Variants in KIAA0586 observed in about 807,000 individuals in gnomAD.
KIAA0586 encodes the protein KIAA0586, also known as protein TALPID3.
A neutral mutation model predicts 169.8 loss-of-function variants in KIAA0586; 144 were observed. The ratio of observed to expected loss-of-function variants is 0.85; its 90% confidence interval spans 0.74 to 0.97. The LOEUF (loss-of-function observed/expected upper bound fraction) is 0.97. Among genes scored for constraint, KIAA0586 ranks in the 50% least tolerant of loss-of-function variants. The probability of loss-of-function intolerance (pLI) is 0.00; values close to 1 mark genes in which losing one functional copy is unlikely to be tolerated. For synonymous variants in KIAA0586, 625 were observed against 612.4 expected, an observed-to-expected ratio of 1.02 and a Z score of -0.30; for missense variants, 1,854 against 1,823.0, an observed-to-expected ratio of 1.02 and a Z score of -0.31.
chr14:58,440,040 T>A (rs1355209163), intron 4 of KIAA0586: 1 of 230,014 alleles, frequency 4.3e-6, no homozygotes, highest in Admixed American at 5.8e-5. Flanking sequence ...GGTCTTTTTT[T>A]AATTTTTAAT....
Position 58,502,132 on chromosome 14 carries a change from C to CT in KIAA0586, c.4168+3183dup, listed in dbSNP as rs998189933. On this transcript the variant is annotated intron_variant, in intron 27 of 30. Transcript: ENST00000652326. ...GCAATCAAGATGGAAACCATAATGT[C>CT]TTTTTTTTTTTCTTTTCTTTTGAGA... 6.1e-3 allele frequency among the ~76,000 whole-genome samples: 894 copies of CT among 147,728 alleles called. 4 individuals carry two copies. The highest frequency in any genetic ancestry group is 0.01 in the Non-Finnish European group (673 of 66,468).
At position 58,522,129 on chromosome 14, in the gene KIAA0586, T is replaced by C; in HGVS notation, c.4429+9502T>C. ...GTTCTCCCAATCCTTGTCCTTCCCATGTTCATTAATTCATAGTGCCCTGCG... is the reference window on the plus strand; with the variant it reads ...GTTCTCCCAATCCTTGTCCTTCCCACGTTCATTAATTCATAGTGCCCTGCG... On this transcript the variant is annotated intron_variant, in intron 29 of 30. Coordinates refer to ENST00000652326, the MANE Select transcript of KIAA0586 (RefSeq NM_001329943.3). 1.0e-5 allele frequency: 6 copies of C among 578,622 alleles called. No individual in the cohort carries two copies. The South Asian group carries it at 1.0e-4, about 10-fold the overall frequency. The allele number at this position is 578,622 out of a possible 1,614,324, so 35.8% of individuals were successfully genotyped here.
intron 29 of KIAA0586, among the ~76,000 whole-genome samples, chr14:58,513,931 T>G (rs2044570282): frequency 6.6e-6 from 1 of 152,074 alleles, no homozygotes; most frequent in African/African-American, 2.4e-5. Flanking sequence ...AAGGAAGTTT[T>G]ATGTGGAAAG....
chr14:58,501,644 A>G (rs2043580822), intron 27 of KIAA0586, among the ~76,000 whole-genome samples: 1 of 152,166 alleles, frequency 6.6e-6, no homozygotes, highest in South Asian at 2.1e-4. Flanking sequence ...ATGGTATAAC[A>G]TAAGATTGAA....
At chr14:58,547,080 A>G (rs118164726) in intron 30 of KIAA0586, among the ~76,000 whole-genome samples, 2,012 of 152,102 alleles carry the variant, frequency 0.013, 30 homozygotes, top group Middle Eastern at 0.048. Context: ...TTTTTTAGGA[A>G]TAGGAGGAAG....
At chr14:58,445,118 C>CACAT (rs374484299) in intron 6 of KIAA0586, among the ~76,000 whole-genome samples, 1 of 146,312 alleles carries the variant, frequency 6.8e-6, no homozygotes, top group African/African-American at 2.5e-5. Context: ...TATACACACA[C>CACAT]ACATACATAC....
chr14:58,433,437 T>G (rs953800409), intron 4 of KIAA0586: 1 of 152,248 alleles, frequency 6.6e-6, no homozygotes, highest in Non-Finnish European at 1.5e-5. Context: ...TTAAGAAATT[T>G]TCTACCTTCT....
At chr14:58,488,484 C>G in intron 23 of KIAA0586, 137 bp from the exon 24 acceptor site, 2 of 932,200 alleles carry the variant, frequency 2.1e-6, no homozygotes, top group East Asian at 2.6e-5. Flanking sequence ...TTTTAAAAAT[C>G]TTGTTAATTA....
chr14:58,495,168 C>T (rs1357276575), intron 26 of KIAA0586, among the ~76,000 whole-genome samples: 5 of 152,076 alleles, frequency 3.3e-5, no homozygotes, highest in Non-Finnish European at 7.3e-5. Context: ...GCTGTCCTGG[C>T]TAGACCAGCA....
Position 58,430,535 on chromosome 14 carries a change from A to T in KIAA0586, c.271-113A>T, listed in dbSNP as rs573306138. 1.3e-4 allele frequency: 76 copies of T among 596,794 alleles called. 1 individual carries two copies. The highest frequency in any genetic ancestry group is 6.7e-4 in the East Asian group (23 of 34,386). The allele number at this position is 596,794 out of a possible 1,614,324, so 37.0% of individuals were successfully genotyped here. A position where few individuals can be genotyped will look rare whatever the true frequency, so the allele number is the denominator to read the frequency against. ...TGATGATGGAAATGAAGAATATGAA[A>T]TACACAGTCCTGCCCTCCCAGAACA... On this transcript the variant is annotated intron_variant, in intron 2 of 30. Transcript: ENST00000652326.
Position 58,428,367 on chromosome 14 carries a change from T to A in KIAA0586, c.103T>A (p.Leu35Met), listed in dbSNP as rs769423672. Residue 35 changes from leucine (L) to methionine (M), a missense_variant, in exon 1 of 31, where the codon TTG (leucine) becomes ATG (methionine). Coordinates refer to ENST00000652326, the MANE Select transcript of KIAA0586 (RefSeq NM_001329943.3). ...TCAAAATCATGGAGATCATTTGGTTTTGCTGAAAGATGAGTTGCCCTGTGT... is the reference window on the plus strand; with the variant it reads ...TCAAAATCATGGAGATCATTTGGTTATGCTGAAAGATGAGTTGCCCTGTGT... ...VSQNHGDHLV[L>M]LKDELPCVPP... is the part of the protein sequence containing the mutation. 19 of 1,613,898 alleles carry A rather than the reference T, an allele frequency of 1.2e-5. No individual in the cohort carries two copies. The highest frequency in any genetic ancestry group is 1.6e-5 in the Non-Finnish European group (19 of 1,179,892).
chr14:58,442,395 C>T (rs966407352), intron 4 of KIAA0586, among the ~76,000 whole-genome samples: 4 of 152,212 alleles, frequency 2.6e-5, no homozygotes, highest in African/African-American at 7.2e-5. Context: ...ATAATCCCAC[C>T]GTGCCACCTT....
At chr14:58,485,066 G>A (rs2042349804) in intron 21 of KIAA0586, among the ~76,000 whole-genome samples, 2 of 144,244 alleles carry the variant, frequency 1.4e-5, no homozygotes, top group Admixed American at 1.4e-4. Flanking sequence ...TGGGATTACA[G>A]GCGCCCGCCA....
chr14:58,497,512 A>G (rs2141291703), intron 26 of KIAA0586, among the ~76,000 whole-genome samples: 1 of 151,470 alleles, frequency 6.6e-6, no homozygotes, highest in East Asian at 2.0e-4. Context: ...GGCACCCGCC[A>G]CCACGCCTGG....
chr14:58,484,902 A>ATATTTATATATATATTTT (rs1555391483), intron 21 of KIAA0586, among the ~76,000 whole-genome samples: 1 of 12,484 alleles, frequency 8.0e-5, no homozygotes, highest in African/African-American at 3.0e-4. Flanking sequence ...ATATATATAT[A>ATATTTATATATATATTTT]TATATATATA....
At chr14:58,462,548 C>T (rs1378455038) in intron 14 of KIAA0586, among the ~76,000 whole-genome samples, 6 of 152,170 alleles carry the variant, frequency 3.9e-5, no homozygotes, top group South Asian at 2.1e-4. Flanking sequence ...CCACTGTGCC[C>T]GGCCTAGTGT....
chr14:58,437,051 A>G (rs2037886691), intron 4 of KIAA0586, among the ~76,000 whole-genome samples: 1 of 152,218 alleles, frequency 6.6e-6, no homozygotes, highest in Admixed American at 6.5e-5. Context: ...AATGGATTGG[A>G]AGAGGGCTAG....
intron 4 of KIAA0586, among the ~76,000 whole-genome samples, chr14:58,440,432 A>G (rs1023516469): frequency 4.6e-5 from 7 of 152,032 alleles, no homozygotes; most frequent in African/African-American, 1.7e-4. Flanking sequence ...CCTGGGTTCA[A>G]GCGATTCTCC....
At chr14:58,504,513 G>A (rs562079978) in intron 27 of KIAA0586, among the ~76,000 whole-genome samples, 30 of 152,170 alleles carry the variant, frequency 2.0e-4, no homozygotes, top group South Asian at 8.3e-4. Flanking sequence ...TAGATATGCC[G>A]GACCAAAAAC....
Sources: allele counts gnomAD v4.1 joint callset (sites outside exome capture counted in the v4.1 genomes callset), GRCh38; gene constraint gnomAD v4.1.1; transcripts MANE v1.5; gene names NCBI Gene and HGNC (gene_info 2026-07-23, HGNC 2026-07-21).